TTLL5: variants seen among roughly 807,000 people sequenced by gnomAD.
TTLL5 encodes the protein tubulin tyrosine ligase like 5.
A neutral mutation model predicts 168.4 loss-of-function variants in TTLL5; 132 were observed. The observed-to-expected ratio is 0.78, with a 90% confidence interval of 0.68 to 0.91. The LOEUF (loss-of-function observed/expected upper bound fraction) is 0.91, where lower values mean the gene tolerates loss of function less well. Ranked by LOEUF, TTLL5 falls within the 40% of genes least tolerant of loss-of-function variation. The pLI is 0.00. For missense variants in TTLL5, 1,545 were observed against 1,581.5 expected, an observed-to-expected ratio of 0.98 and a Z score of 0.39; for synonymous variants, 546 against 558.6, an observed-to-expected ratio of 0.98 and a Z score of 0.32.
chr14:75,785,914 A>C (rs1266091189), intron 26 of TTLL5, among the ~76,000 whole-genome samples: 1 of 152,190 alleles, frequency 6.6e-6, no homozygotes, highest in East Asian at 1.9e-4. Flanking sequence ...GAAAAGGCAG[A>C]TGGGATTTTG....
intron 9 of TTLL5, among the ~76,000 whole-genome samples, chr14:75,717,459 C>A (rs1887544123): frequency 6.6e-6 from 1 of 152,132 alleles, no homozygotes; most frequent in African/African-American, 2.4e-5. Context: ...TTCACAGTAT[C>A]CTACACACAA....
intron 27 of TTLL5, among the ~76,000 whole-genome samples, chr14:75,808,350 A>G (rs1893778542): frequency 6.6e-6 from 1 of 152,208 alleles, no homozygotes; most frequent in Non-Finnish European, 1.5e-5. Context: ...AATATAATTA[A>G]CATTTAACCC....
chr14:75,710,176 G>T (rs1434786151), intron 9 of TTLL5: 11 of 152,120 alleles, frequency 7.2e-5, no homozygotes, highest in Admixed American at 7.2e-4. Flanking sequence ...ATATTCCAAA[G>T]ATATTTTCAC....
chr14:75,669,384 G>C, intron 2 of TTLL5, 32 bp from the exon 3 acceptor site: 1 of 1,593,180 alleles, frequency 6.3e-7, no homozygotes, highest in African/African-American at 1.3e-5. Context: ...GTTTTGAGCT[G>C]TAAATTAATG....
intron 31 of TTLL5, among the ~76,000 whole-genome samples, chr14:75,927,625 T>C (rs760233): frequency 0.8 from 122,277 of 152,140 alleles, 49,329 homozygotes; most frequent in African/African-American, 0.87. Flanking sequence ...GTGAAGTGTG[T>C]TCTAAGGTCT....
chr14:75,887,774 AG>A (rs1447823556), intron 30 of TTLL5, among the ~76,000 whole-genome samples: 2 of 152,248 alleles, frequency 1.3e-5, no homozygotes, highest in Admixed American at 1.3e-4. Context: ...TTGCTTTTGA[AG>A]AAAATACAAT....
chr14:75,667,764 T>G (rs946855637), intron 2 of TTLL5, among the ~76,000 whole-genome samples: 5 of 144,868 alleles, frequency 3.5e-5, no homozygotes, highest in East Asian at 2.0e-4. Flanking sequence ...TTTTTTTTTT[T>G]TTTTTTTTTT....
chr14:75,869,819 G>GTTTTTTTTTTTTTT (rs1232447597), intron 29 of TTLL5, among the ~76,000 whole-genome samples: 21 of 18,404 alleles, frequency 1.1e-3, no homozygotes, highest in African/African-American at 3.4e-3. Context: ...CATTCAACAA[G>GTTTTTTTTTTTTTT]TATTTTTTTT....
chr14:75,851,971 AAC>A (rs1242634969), intron 28 of TTLL5, among the ~76,000 whole-genome samples: 1 of 152,232 alleles, frequency 6.6e-6, no homozygotes, highest in Non-Finnish European at 1.5e-5. Context: ...ATGTTTACTG[AAC>A]ATTTATTATG....
chr14:75,760,859 A>G (rs745536628), intron 18 of TTLL5, among the ~76,000 whole-genome samples: 2 of 152,156 alleles, frequency 1.3e-5, no homozygotes, highest in Non-Finnish European at 2.9e-5. Flanking sequence ...GTTTTTAGAC[A>G]TGACACAGAA....
At chr14:75,898,510 C>T (rs1446233956) in intron 30 of TTLL5, among the ~76,000 whole-genome samples, 2 of 152,050 alleles carry the variant, frequency 1.3e-5, no homozygotes, top group Non-Finnish European at 2.9e-5. Flanking sequence ...GACCTGGTAC[C>T]ACACGCCTGT....
At chr14:75,883,724 C>G (rs2031944628) in intron 30 of TTLL5, among the ~76,000 whole-genome samples, 1 of 152,158 alleles carries the variant, frequency 6.6e-6, no homozygotes, top group African/African-American at 2.4e-5. Context: ...ATATTGCTGC[C>G]ATTATTCATT....
In TTLL5 at chr14:75,783,483, C is replaced by T; in HGVS notation, c.2939C>T (p.Ala980Val). ...IGPFSSFQSA[A>V]HIYSQKLSRP... ...CCCTTTTCTTCCTTCCAAAGTGCTGCACACATCTATAGCCAGAAACTGTCT... is the reference window on the plus strand; with the variant it reads ...CCCTTTTCTTCCTTCCAAAGTGCTGTACACATCTATAGCCAGAAACTGTCT... Residue 980 changes from alanine to valine, a missense_variant, in exon 26 of 32, where the codon GCA (alanine) becomes GTA (valine). By Grantham distance (64) the Ala-to-Val change is moderately conservative (BLOSUM62 0). Coordinates refer to ENST00000298832, the MANE Select transcript of TTLL5 (RefSeq NM_015072.5). 1 of 1,614,188 alleles carries T rather than the reference C, an allele frequency of 6.2e-7. No individual in the cohort carries two copies. Among genetic ancestry groups the T allele is most frequent in the South Asian group, 1.1e-5 (1 of 91,078 alleles).
chr14:75,890,459 T>C (rs1184222128), intron 30 of TTLL5, among the ~76,000 whole-genome samples: 3 of 152,098 alleles, frequency 2.0e-5, no homozygotes, highest in African/African-American at 4.8e-5. Context: ...AAAGTAGATA[T>C]AGAAGAGACT....
At chr14:75,778,866 A>G (rs1167415735) in intron 23 of TTLL5, among the ~76,000 whole-genome samples, 2 of 152,210 alleles carry the variant, frequency 1.3e-5, no homozygotes, top group African/African-American at 4.8e-5. Context: ...AGTGATTTAG[A>G]GATGATATAC....
intron 29 of TTLL5, among the ~76,000 whole-genome samples, chr14:75,879,101 A>G (rs2031663317): frequency 6.6e-6 from 1 of 152,236 alleles, no homozygotes. Context: ...AATTAATCAT[A>G]TATAAATTCA....
chr14:75,745,256 G>A (rs1465699858), intron 16 of TTLL5, 48 bp downstream of exon 16: 2 of 1,526,278 alleles, frequency 1.3e-6, no homozygotes, highest in East Asian at 2.3e-5. Flanking sequence ...ACAGGGTTTA[G>A]TGAAAATTAG....
chr14:75,785,244 G>A (rs1472907398), intron 26 of TTLL5, among the ~76,000 whole-genome samples: 1 of 142,676 alleles, frequency 7.0e-6, no homozygotes, highest in East Asian at 2.1e-4. Context: ...GCAGTGGCAC[G>A]ATCTCGGCCC....
At chr14:75,691,387 C>A (rs1172353201) in intron 6 of TTLL5, among the ~76,000 whole-genome samples, 5 of 152,182 alleles carry the variant, frequency 3.3e-5, no homozygotes, top group Non-Finnish European at 5.9e-5. Context: ...TGAGGCAGGT[C>A]TCTTGTGAAA....
Sources: allele counts gnomAD v4.1 joint callset (sites outside exome capture counted in the v4.1 genomes callset), GRCh38; gene constraint gnomAD v4.1.1; transcripts MANE v1.5; gene names NCBI Gene and HGNC (gene_info 2026-07-23, HGNC 2026-07-21).